The following MINDY2 variants were observed in gnomAD, a reference collection of about 807,000 sequenced individuals.
MINDY2 encodes MINDY lysine 48 deubiquitinase 2.
MINDY2 carries 52 observed loss-of-function variants against 68.2 expected under a neutral mutation model. The observed-to-expected ratio is 0.76, with a 90% CI of 0.61 to 0.96. The LOEUF (loss-of-function observed/expected upper bound fraction) is 0.96. MINDY2 is among the 40% of genes least tolerant of loss of function. The pLI is 0.00. For synonymous variants in MINDY2, 372 were observed against 303.0 expected (o/e 1.23, Z -2.36); for missense variants, 881 against 773.4 (o/e 1.14, Z -1.65).
chr15:58,772,344 TC>T (rs1900488709), intron 1 of MINDY2, 109 bp downstream of exon 1: 1 of 1,467,698 alleles, frequency 6.8e-7, no homozygotes, highest in African/African-American at 1.4e-5. Context: ...CATTCATCAG[TC>T]CCCTTCTTAC....
intron 1 of MINDY2, among the ~76,000 whole-genome samples, chr15:58,785,572 A>G (rs967669210): frequency 5.9e-5 from 9 of 152,186 alleles, no homozygotes; most frequent in African/African-American, 2.2e-4. Context: ...CAGACAGTCG[A>G]CAGTAATTTG....
chr15:58,810,904 A>T (rs1289305811), intron 4 of MINDY2, among the ~76,000 whole-genome samples: 1 of 152,318 alleles, frequency 6.6e-6, no homozygotes, highest in East Asian at 1.9e-4. Flanking sequence ...AGTGCTGCCA[A>T]TCCTGGAAGT....
chr15:58,774,614 C>T (rs574656727), intron 1 of MINDY2, among the ~76,000 whole-genome samples: 1 of 151,536 alleles, frequency 6.6e-6, no homozygotes, highest in Non-Finnish European at 1.5e-5. Flanking sequence ...GTGAGAAGCT[C>T]TAATATGCTA....
chr15:58,850,511 C>T (rs1470917432), intron 7 of MINDY2, among the ~76,000 whole-genome samples: 1 of 152,136 alleles, frequency 6.6e-6, no homozygotes, highest in Non-Finnish European at 1.5e-5. Flanking sequence ...TTATGGTTTT[C>T]AGTTTTGTCT....
At chr15:58,804,111 A>C (rs956524255) in intron 3 of MINDY2, among the ~76,000 whole-genome samples, 2 of 147,230 alleles carry the variant, frequency 1.4e-5, no homozygotes, top group South Asian at 2.1e-4. Flanking sequence ...CCGGGGCGAC[A>C]AAAAAAAAAG....
chr15:58,800,760 G>A (rs1433879278), intron 2 of MINDY2, among the ~76,000 whole-genome samples: 26 of 147,938 alleles, frequency 1.8e-4, no homozygotes, highest in African/African-American at 6.2e-4. Flanking sequence ...CCTGAGTCTA[G>A]GGAGGTTGAG....
At chr15:58,829,876 CG>C (rs1567065976) in intron 5 of MINDY2, among the ~76,000 whole-genome samples, 2 of 152,122 alleles carry the variant, frequency 1.3e-5, no homozygotes, top group African/African-American at 4.8e-5. Flanking sequence ...TAAGGGATGT[CG>C]AGGGAGTGGA....
intron 3 of MINDY2, among the ~76,000 whole-genome samples, chr15:58,809,410 C>CT (rs145256093): frequency 0.15 from 23,087 of 151,774 alleles, 2,060 homozygotes; most frequent in South Asian, 0.34. Context: ...GGATTTCTTT[C>CT]TTTTTTTTAA....
intron 6 of MINDY2, among the ~76,000 whole-genome samples, chr15:58,838,114 C>T (rs1320353078): frequency 6.6e-6 from 1 of 151,768 alleles, no homozygotes; most frequent in African/African-American, 2.4e-5. Context: ...ACTTTCAGGC[C>T]AGGTGTGGTG....
At chr15:58,791,215 T>TTTTATATATATATATATA (rs1344616079) in intron 2 of MINDY2, among the ~76,000 whole-genome samples, 2 of 79,610 alleles carry the variant, frequency 2.5e-5, no homozygotes, top group Non-Finnish European at 6.3e-5. Flanking sequence ...GAAAGCAATT[T>TTTTATATATATATATATA]TATATATATA....
At position 58,859,003 on chromosome 15, in the gene MINDY2, GACTT is replaced by G. The variant is rs2033141724; in HGVS notation, c.*4395_*4398del. Reference sequence around the variant, plus strand: ...AGGGCATAGTATAAGCACAAAGTATGACTTAATTTATCACAAATATTACACATCC... The same window carrying G: ...AGGGCATAGTATAAGCACAAAGTATGAATTTATCACAAATATTACACATCC... On this transcript the variant is annotated 3_prime_UTR_variant, in exon 9 of 9. Coordinates refer to ENST00000559228, the MANE Select transcript of MINDY2 (RefSeq NM_001040450.3). 1 of 152,096 alleles carries G rather than the reference GACTT, an allele frequency of 6.6e-6. No homozygotes were observed. The highest frequency in any genetic ancestry group is 2.4e-5 in the African/African-American group (1 of 41,430). The allele number at this position is 152,096 out of a possible 1,614,324, so 9.4% of individuals were successfully genotyped here.
intron 2 of MINDY2, among the ~76,000 whole-genome samples, chr15:58,795,639 C>G (rs552879475): frequency 6.6e-6 from 1 of 152,128 alleles, no homozygotes. Context: ...CTCCTGACCT[C>G]GTGATCCACC....
At chr15:58,835,966 A>G (rs369781724) in intron 6 of MINDY2, among the ~76,000 whole-genome samples, 2 of 151,528 alleles carry the variant, frequency 1.3e-5, no homozygotes, top group African/African-American at 2.4e-5. Context: ...CTGGAGTGCA[A>G]TGGCACAATC....
At position 58,797,540 on chromosome 15, in the gene MINDY2, G is replaced by A. The variant is rs148815862; in HGVS notation, c.899-4773G>A. On this transcript the variant is annotated intron_variant, in intron 2 of 8. Coordinates refer to ENST00000559228, the MANE Select transcript of MINDY2 (RefSeq NM_001040450.3). ...CAAACAAAAAAGATTAATTTTACCT[G>A]TTTATTTTGACCTTTATTAATGTGG... is the stretch of plus-strand genomic sequence containing the variant. Among the ~76,000 whole-genome samples the A allele has an allele frequency of 1.6e-3, 241 of 152,184 alleles. 1 individual carries two copies. Among genetic ancestry groups the A allele is most frequent in the African/African-American group, 5.5e-3 (229 of 41,518 alleles).
intron 1 of MINDY2, among the ~76,000 whole-genome samples, chr15:58,778,985 C>T (rs1900960871): frequency 6.6e-6 from 1 of 151,730 alleles, no homozygotes; most frequent in African/African-American, 2.4e-5. Context: ...TGTTCTTGAA[C>T]TCCTGACCTC....
Position 58,806,885 on chromosome 15 carries a change from T to A in MINDY2, c.964-3345T>A, listed in dbSNP as rs79331191. Among the ~76,000 whole-genome samples, 938 of 152,262 alleles carry A rather than the reference T, an allele frequency of 6.2e-3. 1 individual carries two copies. Among genetic ancestry groups the A allele is most frequent in the Non-Finnish European group, 0.011 (736 of 68,018 alleles). On this transcript the variant is annotated intron_variant, in intron 3 of 8. Transcript: ENST00000559228. ...TTGGGAAGGTTGAGAAAATATGTTG[T>A]TTGGGGGGAACAGTAGAAGAGATGA...
intron 3 of MINDY2, among the ~76,000 whole-genome samples, chr15:58,805,251 GC>G (rs144840164): frequency 0.032 from 4,916 of 152,236 alleles, 285 homozygotes; most frequent in African/African-American, 0.11. Context: ...ATATGGCTGG[GC>G]TGAGTCTAAG....
intron 3 of MINDY2, among the ~76,000 whole-genome samples, chr15:58,808,007 A>ACACTCCC (rs1250307628): frequency 5.3e-5 from 8 of 151,182 alleles, no homozygotes; most frequent in African/African-American, 1.7e-4. Flanking sequence ...TCTCCCATTT[A>ACACTCCC]CACTCCCCAC....
chr15:58,854,802 G>T lies in MINDY2; in HGVS notation c.*192G>T. 2.2e-6 allele frequency: 1 copy of T among 448,242 alleles called. No homozygotes were observed. The highest frequency in any genetic ancestry group is 3.8e-6 in the Non-Finnish European group (1 of 263,754). The allele number at this position is 448,242 out of a possible 1,614,324, so 27.8% of individuals were successfully genotyped here. ...CACACAATACACTCTTTATGAGCTG[G>T]AGTTTCATGTTACAAGTTGGAAATG... On this transcript the variant is annotated 3_prime_UTR_variant, in exon 9 of 9. Coordinates refer to ENST00000559228, the MANE Select transcript of MINDY2 (RefSeq NM_001040450.3).
Sources: gnomAD v4.1 joint callset for allele counts (sites outside exome capture counted in the v4.1 genomes callset) on GRCh38, gnomAD v4.1.1 for gene constraint, MANE v1.5 for transcripts, NCBI Gene and HGNC (gene_info 2026-07-23, HGNC 2026-07-21) for gene names.